Variants in ATP2B2 observed in about 807,000 individuals in gnomAD.
ATP2B2 encodes plasma membrane calcium-transporting ATPase 2.
A neutral mutation model predicts 120.0 loss-of-function variants in ATP2B2; 15 were observed. That is an observed-to-expected ratio of 0.12 (90% confidence interval 0.08 to 0.19). The LOEUF is 0.19. Ranked by LOEUF, ATP2B2 falls within the 10% of genes least tolerant of loss-of-function variation. The pLI, the probability that ATP2B2 is intolerant of heterozygous loss-of-function variation, is 1.00. For missense variants in ATP2B2, 1,045 were observed against 1,719.8 expected (o/e 0.61, Z 6.94); for synonymous variants, 694 against 700.3 (o/e 0.99, Z 0.14).
At chr3:10,549,487 G>C (rs2067622067) in intron 2 of ATP2B2, among the ~76,000 whole-genome samples, 1 of 152,138 alleles carries the variant, frequency 6.6e-6, no homozygotes, top group South Asian at 2.1e-4. Context: ...TGCTCAATGT[G>C]TGTTATCTGT....
chr3:10,687,930 G>C (rs1038374967), intron 1 of ATP2B2, among the ~76,000 whole-genome samples: 1 of 152,124 alleles, frequency 6.6e-6, no homozygotes, highest in African/African-American at 2.4e-5. Context: ...GGTGACCTTA[G>C]AAATAATAAT....
chr3:10,385,242 C>T, intron 8 of ATP2B2, 26 bp downstream of exon 8: 2 of 1,611,726 alleles, frequency 1.2e-6, no homozygotes, highest in Non-Finnish European at 1.7e-6. Context: ...CCAACCATGA[C>T]CAGGAGCTCG....
chr3:10,377,321 G>A (rs552729659), intron 10 of ATP2B2, among the ~76,000 whole-genome samples: 1 of 152,078 alleles, frequency 6.6e-6, no homozygotes, highest in African/African-American at 2.4e-5. Context: ...CTGACAGTCG[G>A]AGGGGCTGGA....
intron 1 of ATP2B2, among the ~76,000 whole-genome samples, chr3:10,644,356 C>T (rs772951703): frequency 7.0e-4 from 106 of 152,118 alleles, no homozygotes; most frequent in Non-Finnish European, 1.2e-3. Flanking sequence ...TTTGGCAGTT[C>T]CTTAAAAAGT....
intron 3 of ATP2B2, among the ~76,000 whole-genome samples, chr3:10,511,951 C>T (rs7629412): frequency 6.6e-5 from 10 of 152,024 alleles, no homozygotes; most frequent in Middle Eastern, 3.4e-3. Flanking sequence ...GGAAAGGGAG[C>T]GGGTGGGGAT....
chr3:10,327,998 T>C lies in ATP2B2; in HGVS notation c.*816A>G, dbSNP rs977923028. On this transcript the variant is annotated 3_prime_UTR_variant, in exon 23 of 23. Transcript: ENST00000360273. ...ACCATACAAATAGCCAAAGACGTTA[T>C]CTACAGGTTTGTAAACAAATTACAT... 6.6e-6 allele frequency: 1 copy of C among 152,580 alleles called. No individual in the cohort carries two copies. The highest frequency in any genetic ancestry group is 2.4e-5 in the African/African-American group (1 of 41,434). The allele number at this position is 152,580 out of a possible 1,614,324, so 9.5% of individuals were successfully genotyped here.
chr3:10,543,884 A>C (rs1377171275), intron 2 of ATP2B2, among the ~76,000 whole-genome samples: 1 of 151,968 alleles, frequency 6.6e-6, no homozygotes. Flanking sequence ...GACTACAGGC[A>C]CATGTCATCA....
intron 16 of ATP2B2, 33 bp downstream of exon 16, chr3:10,350,079 C>T (rs1225810197): frequency 1.9e-6 from 3 of 1,607,252 alleles, no homozygotes; most frequent in Non-Finnish European, 2.6e-6. Context: ...TGGTGCTGGG[C>T]TTCAGGATTG....
rs1344853618 is a variant in ATP2B2, at chr3:10,651,245, G to GAATT, written c.-459-31285_-459-31284insAATT. 3.3e-5 allele frequency among the ~76,000 whole-genome samples: 5 copies of GAATT among 152,178 alleles called. No individual in the cohort carries two copies. The East Asian group carries it at 9.6e-4, about 29-fold the overall frequency. On this transcript the variant is annotated intron_variant, in intron 1 of 21. Coordinates refer to the ATP2B2 transcript ENST00000646379. Reference sequence around the variant, plus strand: ...TGTGAGGACATGAGATTAGGGAGGGGCCAGATGTGGAATGATAGGGTTTGG... The same window carrying GAATT: ...TGTGAGGACATGAGATTAGGGAGGGGAATTCCAGATGTGGAATGATAGGGTTTGG...
chr3:10,618,050 A>G (rs181206270), intron 2 of ATP2B2, among the ~76,000 whole-genome samples: 1 of 152,384 alleles, frequency 6.6e-6, no homozygotes, highest in African/African-American at 2.4e-5. Flanking sequence ...GAGAGCAAAA[A>G]TACCCCAAAC....
chr3:10,328,556 T>C lies in ATP2B2; in HGVS notation c.*258A>G. 1 of 468,206 alleles carries C rather than the reference T, an allele frequency of 2.1e-6. No individual in the cohort carries two copies. Among genetic ancestry groups the C allele is most frequent in the Non-Finnish European group, 3.8e-6 (1 of 262,724 alleles). 29.0% of individuals were successfully genotyped at this position (468,206 alleles called of 1,614,324 possible). On this transcript the variant is annotated 3_prime_UTR_variant, in exon 23 of 23. Transcript: ENST00000360273. ...GTCTGGGTGGGAGCCAGGAAGGGCT[T>C]GTTTTGGGAAAACCGCTCACTCCCG...
At chr3:10,509,455 C>G (rs895598310), upstream of ATP2B2, among the ~76,000 whole-genome samples, 6 of 152,212 alleles carry the variant, frequency 3.9e-5, no homozygotes, top group East Asian at 1.2e-3. Flanking sequence ...CTCTGACCCC[C>G]ACAGATCACC....
At chr3:10,429,561 A>G (rs2063248067) in intron 2 of ATP2B2, among the ~76,000 whole-genome samples, 1 of 152,176 alleles carries the variant, frequency 6.6e-6, no homozygotes, top group South Asian at 2.1e-4. Flanking sequence ...TGTTGCATGC[A>G]TTCTGACTGC....
At chr3:10,450,259 C>A (rs1163470830) in intron 1 of ATP2B2, among the ~76,000 whole-genome samples, 1 of 152,110 alleles carries the variant, frequency 6.6e-6, no homozygotes, top group African/African-American at 2.4e-5. Flanking sequence ...AACTTAACCT[C>A]CCCACCCCTT....
chr3:10,532,992 C>T (rs376413803), intron 3 of ATP2B2, among the ~76,000 whole-genome samples: 26 of 152,322 alleles, frequency 1.7e-4, no homozygotes, highest in African/African-American at 6.3e-4. Context: ...GATGGCAACT[C>T]TAAGCTCTGG....
intron 2 of ATP2B2, among the ~76,000 whole-genome samples, chr3:10,543,536 A>C (rs1218591202): frequency 1.3e-5 from 2 of 152,244 alleles, no homozygotes; most frequent in Admixed American, 1.3e-4. Context: ...TAAAAATATG[A>C]AATAACTTTA....
chr3:10,676,916 G>A (rs1272472110), intron 1 of ATP2B2, among the ~76,000 whole-genome samples: 1 of 152,220 alleles, frequency 6.6e-6, no homozygotes, highest in Non-Finnish European at 1.5e-5. Context: ...AGTACCAAAT[G>A]CTGGTGAGGA....
chr3:10,339,249 T>C (rs1017511333), intron 21 of ATP2B2, among the ~76,000 whole-genome samples: 7 of 152,156 alleles, frequency 4.6e-5, no homozygotes, highest in African/African-American at 1.7e-4. Context: ...TGCCCAGGGG[T>C]TTATCACTCT....
At chr3:10,641,677 C>T (rs930436844) in intron 1 of ATP2B2, among the ~76,000 whole-genome samples, 1 of 152,130 alleles carries the variant, frequency 6.6e-6, no homozygotes, top group African/African-American at 2.4e-5. Flanking sequence ...AACTTGGATG[C>T]AGCTGAGGGT....
Sources: gnomAD v4.1 joint callset for allele counts (sites outside exome capture counted in the v4.1 genomes callset) on GRCh38, gnomAD v4.1.1 for gene constraint, MANE v1.5 for transcripts, NCBI Gene and HGNC (gene_info 2026-07-23, HGNC 2026-07-21) for gene names.